SAMTOR: variants seen among roughly 807,000 people sequenced by gnomAD.
The protein encoded by SAMTOR is S-adenosylmethionine sensor upstream of mTORC1, also known as UPF0532 protein C7orf60.
At chr7:112,860,651 C>T in the SAMTOR span, among the ~76,000 whole-genome samples, 3 of 151,876 alleles carry the variant, frequency 2.0e-5, no homozygotes. Flanking sequence ...GCCTGTAATC[C>T]CAGCACTTTG....
chr7:112,830,534 C>T, the SAMTOR span, among the ~76,000 whole-genome samples: 2 of 152,116 alleles, frequency 1.3e-5, no homozygotes, highest in African/African-American at 4.8e-5. Context: ...TCAGCAGTCC[C>T]TGAAGAACAT....
the SAMTOR span, among the ~76,000 whole-genome samples, chr7:112,843,714 T>G: frequency 6.6e-6 from 1 of 151,836 alleles, no homozygotes; most frequent in Admixed American, 6.6e-5. Context: ...GCTGTAGAAT[T>G]CTACAAAGAG....
At chr7:112,883,083 G>T in the SAMTOR span, among the ~76,000 whole-genome samples, 2 of 152,080 alleles carry the variant, frequency 1.3e-5, no homozygotes, top group African/African-American at 4.8e-5. Flanking sequence ...AATCTTTTAA[G>T]AATATGTCCA....
the SAMTOR span, among the ~76,000 whole-genome samples, chr7:112,861,945 G>A: frequency 6.6e-6 from 1 of 152,074 alleles, no homozygotes; most frequent in Non-Finnish European, 1.5e-5. Context: ...TCACATCGTT[G>A]TACTAAATGG....
At chr7:112,847,417 C>T in the SAMTOR span, among the ~76,000 whole-genome samples, 1 of 152,188 alleles carries the variant, frequency 6.6e-6, no homozygotes, top group Non-Finnish European at 1.5e-5. Context: ...TCACAGAGTA[C>T]TACCCACCAA....
At chr7:112,832,786 A>AT in the SAMTOR span, 10 of 630,628 alleles carry the variant, frequency 1.6e-5, no homozygotes, top group Non-Finnish European at 2.0e-5. Context: ...ACATATAAAA[A>AT]TTACTGACGG....
chr7:112,919,030 AC>A, the SAMTOR span, among the ~76,000 whole-genome samples: 1 of 152,184 alleles, frequency 6.6e-6, no homozygotes, highest in Non-Finnish European at 1.5e-5. Flanking sequence ...TCAACATTAA[AC>A]AGATCAACGA....
At chr7:112,821,975 C>T in the SAMTOR span, 1 of 1,613,366 alleles carries the variant, frequency 6.2e-7, no homozygotes, top group Non-Finnish European at 8.5e-7. Context: ...TCCTACTAAC[C>T]AAGTCACTTG....
At chr7:112,931,715 T>G in the SAMTOR span, among the ~76,000 whole-genome samples, 1 of 152,310 alleles carries the variant, frequency 6.6e-6, no homozygotes, top group Non-Finnish European at 1.5e-5. Flanking sequence ...TCTAAATGCA[T>G]GAAGATTAAC....
the SAMTOR span, among the ~76,000 whole-genome samples, chr7:112,848,874 C>A: frequency 6.6e-6 from 1 of 151,930 alleles, no homozygotes; most frequent in Non-Finnish European, 1.5e-5. Flanking sequence ...AAGGTGAAAC[C>A]CTGTCTCTAC....
chr7:112,850,491 T>C, the SAMTOR span, among the ~76,000 whole-genome samples: 1 of 152,290 alleles, frequency 6.6e-6, no homozygotes, highest in East Asian at 1.9e-4. Context: ...AGTTCTTCTT[T>C]GTGCATCTGG....
At chr7:112,922,811 G>A in the SAMTOR span, among the ~76,000 whole-genome samples, 12 of 149,926 alleles carry the variant, frequency 8.0e-5, no homozygotes, top group South Asian at 4.2e-4. Context: ...CAGGCCAGCC[G>A]CCCCGTCCGG....
At chr7:112,884,330 C>T in the SAMTOR span, among the ~76,000 whole-genome samples, 35 of 152,240 alleles carry the variant, frequency 2.3e-4, no homozygotes, top group South Asian at 2.3e-3. Context: ...TACAGTTCCT[C>T]GAAGTCTTAA....
At chr7:112,900,276 A>G in the SAMTOR span, among the ~76,000 whole-genome samples, 1 of 152,198 alleles carries the variant, frequency 6.6e-6, no homozygotes, top group African/African-American at 2.4e-5. Context: ...GAACTATTTT[A>G]TAAGTTCTGG....
chr7:112,903,116 C>T, the SAMTOR span, among the ~76,000 whole-genome samples: 1 of 152,036 alleles, frequency 6.6e-6, no homozygotes, highest in East Asian at 1.9e-4. Context: ...GAGTTCAAGA[C>T]CCGCCTGACC....
the SAMTOR span, among the ~76,000 whole-genome samples, chr7:112,887,172 AAAAT>A: frequency 2.0e-5 from 3 of 151,742 alleles, no homozygotes; most frequent in African/African-American, 7.3e-5. Context: ...ACTCCATCTC[AAAAT>A]AAATAAATAA....
At chr7:112,888,215 C>T in the SAMTOR span, among the ~76,000 whole-genome samples, 1 of 152,038 alleles carries the variant, frequency 6.6e-6, no homozygotes, top group South Asian at 2.1e-4. Flanking sequence ...GATGTTAGAT[C>T]TACAAATATT....
At chr7:112,921,403 G>A in the SAMTOR span, among the ~76,000 whole-genome samples, 1 of 151,264 alleles carries the variant, frequency 6.6e-6, no homozygotes, top group Non-Finnish European at 1.5e-5. Context: ...TATGTAGAAA[G>A]CTGAAACTGG....
chr7:112,927,481 AT>A, the SAMTOR span, among the ~76,000 whole-genome samples: 64 of 152,108 alleles, frequency 4.2e-4, no homozygotes, highest in Admixed American at 3.8e-3. Flanking sequence ...TTATTTTAAT[AT>A]AATGGCATCT....
Sources: gnomAD v4.1 joint callset for allele counts (sites outside exome capture counted in the v4.1 genomes callset) on GRCh38, gnomAD v4.1.1 for gene constraint, MANE v1.5 for transcripts, NCBI Gene and HGNC (gene_info 2026-07-23, HGNC 2026-07-21) for gene names.